The following CCT4 variants were observed in gnomAD, a reference collection of about 807,000 sequenced individuals.
CCT4 encodes T-complex protein 1 subunit delta.
Under a neutral mutation model 62.5 loss-of-function variants are expected in CCT4, and 17 were observed. The ratio of observed to expected loss-of-function variants is 0.27; its 90% CI spans 0.19 to 0.41. CCT4 has a LOEUF of 0.41. Among genes scored for constraint, CCT4 ranks in the 10% least tolerant of loss-of-function variants. The probability of loss-of-function intolerance (pLI) is 1.00; values close to 1 mark genes in which losing one functional copy is unlikely to be tolerated. For missense variants in CCT4, 592 were observed against 659.2 expected, an observed-to-expected ratio of 0.90 and a Z score of 1.12; for synonymous variants, 250 against 229.9, an observed-to-expected ratio of 1.09 and a Z score of -0.79.
rs1668820519 is a variant in CCT4 at position 61,868,462 on chromosome 2, A to G, written c.*230T>C. On this transcript the variant is annotated 3_prime_UTR_variant, in exon 14 of 14. Transcript: ENST00000394440. Reference sequence around the variant, plus strand: ...TTTTATTAGTTTTTATTAGTTTTTCAAAAGTATCAGAAATAACAGAATGTT... The same window carrying G: ...TTTTATTAGTTTTTATTAGTTTTTCGAAAGTATCAGAAATAACAGAATGTT... 2.1e-6 allele frequency: 1 copy of G among 480,544 alleles called. No homozygotes were observed. The highest frequency in any genetic ancestry group is 3.5e-5 in the Admixed American group (1 of 28,896). 29.8% of individuals were successfully genotyped at this position (480,544 alleles called of 1,614,324 possible).
rs575579331 is a variant in CCT4, at chr2:61,887,501, ATAC to A, written c.127+877_127+879del. ...TTCTAATCTCACCTCTTCTGTAAAC[ATAC>A]TACTATTCTCCAACCCAAAAGAACT... On this transcript the variant is annotated intron_variant, in intron 1 of 13. Transcript: ENST00000394440. 6.8e-4 allele frequency among the ~76,000 whole-genome samples: 103 copies of A among 152,304 alleles called. 2 individuals are homozygous for A. The East Asian group carries it at 0.02, about 29-fold the overall frequency.
In CCT4 at chr2:61,888,522, T is replaced by C. The variant is rs1327155857; in HGVS notation, c.-15A>G. 14 of 1,608,580 alleles carry C rather than the reference T, an allele frequency of 8.7e-6. No individual in the cohort carries two copies. Among genetic ancestry groups the C allele is most frequent in the Non-Finnish European group, 1.2e-5 (14 of 1,177,376 alleles). ...TTCTCGGGCATGGCAAACTCCGCTG[T>C]GTCTGGGTTGGCTCGGGAAGGACGG... is the stretch of plus-strand genomic sequence containing the variant. On this transcript the variant is annotated 5_prime_UTR_variant, in exon 1 of 14. Transcript: ENST00000394440.
rs1668919148 is a variant in CCT4 at position 61,873,087 on chromosome 2, T to C, written c.1040A>G (p.His347Arg). Residue 347 changes from histidine (H) to arginine (R), a missense_variant, in exon 10 of 14, where the codon CAT (histidine) becomes CGT (arginine). Physicochemically the swap from His to Arg is conservative, Grantham distance 29. This residue lies in a region of CCT4 where 522 missense variants were observed against 571.2 expected (regional missense o/e 0.91). Transcript: ENST00000394440. The part of the protein sequence containing the change: ...CKTIGTKPVA[H>R]IDQFTADMLG... ...CATGTCAGCAGTAAATTGGTCAATA[T>C]GAGCAACTGGCTTGGTTCCAATTGT... 1 of 1,611,714 alleles carries C rather than the reference T, an allele frequency of 6.2e-7. No individual in the cohort carries two copies. Among genetic ancestry groups the C allele is most frequent in the Non-Finnish European group, 8.5e-7 (1 of 1,177,746 alleles).
Position 61,872,402 on chromosome 2 carries a change from G to A in CCT4, c.1256+56C>T, listed in dbSNP as rs924253492. ...TTGCTATTTATATCTTTAAAAAATA[G>A]AATATAATAGTTTTAATGTTCAAAA... is the stretch of plus-strand genomic sequence containing the variant. On this transcript the variant is annotated intron_variant, in intron 11 of 13. Transcript: ENST00000394440. 3.4e-6 allele frequency: 5 copies of A among 1,453,066 alleles called. No homozygotes were observed. In the East Asian group the frequency reaches 7.5e-5, roughly 22 times the overall value. 90.0% of individuals were successfully genotyped at this position (1,453,066 alleles called of 1,614,324 possible). A position where few individuals can be genotyped will look rare whatever the true frequency, so the allele number is the denominator to read the frequency against.
intron 3 of CCT4, among the ~76,000 whole-genome samples, chr2:61,881,737 AATCTTCATAAAC>A (rs1289141302): frequency 2.0e-5 from 3 of 152,088 alleles, no homozygotes; most frequent in African/African-American, 7.2e-5. Context: ...TCCTCATAAA[AATCTTCATAAAC>A]AATTTTTAAT....
chr2:61,886,897 C>G (rs556279093), intron 1 of CCT4, among the ~76,000 whole-genome samples: 62 of 152,144 alleles, frequency 4.1e-4, no homozygotes, highest in African/African-American at 1.5e-3. Context: ...GTAGCTGGGA[C>G]TACAGGCCTA....
chr2:61,870,378 T>C (rs1352215883), intron 12 of CCT4, among the ~76,000 whole-genome samples: 1 of 152,224 alleles, frequency 6.6e-6, no homozygotes, highest in African/African-American at 2.4e-5. Context: ...AGTCTCATAT[T>C]TGCCACCTTA....
chr2:61,879,095 C>T, intron 4 of CCT4, 84 bp from the exon 5 acceptor site: 1 of 953,738 alleles, frequency 1.0e-6, no homozygotes, highest in Non-Finnish European at 1.6e-6. Context: ...TACTCAATGT[C>T]AAAGCAAGCA....
intron 6 of CCT4, 29 bp from the exon 7 acceptor site, chr2:61,877,081 A>G: frequency 6.2e-7 from 1 of 1,601,244 alleles, no homozygotes; most frequent in Non-Finnish European, 8.5e-7. Context: ...AAAGAGGGGT[A>G]GTTAAGAGGG....
chr2:61,876,148 C>G lies in CCT4; in HGVS notation c.864G>C (p.Lys288Asn). The change falls in exon 8 of 14, where the codon AAG (lysine) becomes AAC (asparagine). Residue 288 changes from lysine (K) to asparagine (N), a missense_variant. By Grantham distance (94) the Lys-to-Asn change is moderately conservative. Transcript: ENST00000394440. ...CATTACATCCTGTTTTTTTAATTTGCTTCACTAAATTTAAAATATAGGCTC... is the reference window on the plus strand; with the variant it reads ...CATTACATCCTGTTTTTTTAATTTGGTTCACTAAATTTAAAATATAGGCTC... ...EERAYILNLV[K>N]QIKKTGCNVL... 6.2e-7 allele frequency: 1 copy of G among 1,603,176 alleles called. No individual in the cohort carries two copies. The highest frequency in any genetic ancestry group is 1.1e-5 in the South Asian group (1 of 90,670).
At chr2:61,882,432 T>C (rs988597039) in intron 3 of CCT4, among the ~76,000 whole-genome samples, 3 of 152,214 alleles carry the variant, frequency 2.0e-5, no homozygotes, top group Non-Finnish European at 4.4e-5. Context: ...TGAACTGCTA[T>C]GCACCATACC....
Position 61,873,248 on chromosome 2 carries a change from C to A in CCT4, c.963G>T (p.Lys321Asn), listed in dbSNP as rs770017935. The change falls in exon 9 of 14, where the codon AAG becomes AAT. Residue 321 changes from lysine to asparagine, a missense_variant. By Grantham distance (94) the Lys-to-Asn change is moderately conservative. Around this residue, in one of 3 missense-constraint regions of CCT4, gnomAD observed 522 missense variants for 571.2 expected, o/e 0.91. Coordinates refer to ENST00000394440, the MANE Select transcript of CCT4 (RefSeq NM_006430.4). ...TTTCAATATCCTTAATCACCATGAT[C>A]TTCATTTTATTCAGAAAGTGTAATG... ...DLALHFLNKM[K>N]IMVIKDIERE... is the part of the protein sequence containing the mutation. The A allele has an allele frequency of 1.9e-6, 3 of 1,542,496 alleles. No homozygotes were observed. The highest frequency in any genetic ancestry group is 2.7e-6 in the Non-Finnish European group (3 of 1,115,386).
chr2:61,876,715 T>C (rs138871117), intron 7 of CCT4, among the ~76,000 whole-genome samples: 76 of 152,342 alleles, frequency 5.0e-4, no homozygotes, highest in African/African-American at 1.6e-3. Context: ...TCGTTGCAAA[T>C]GGCTAGCTCT....
intron 3 of CCT4, among the ~76,000 whole-genome samples, chr2:61,882,503 G>A (rs551098114): frequency 1.3e-5 from 2 of 152,022 alleles, no homozygotes; most frequent in African/African-American, 4.8e-5. Context: ...ACAAGTATAA[G>A]GTGACTTGTG....
intron 8 of CCT4, among the ~76,000 whole-genome samples, chr2:61,874,227 G>A (rs1668949863): frequency 6.6e-6 from 1 of 152,158 alleles, no homozygotes; most frequent in Non-Finnish European, 1.5e-5. Flanking sequence ...ATATGATTGG[G>A]ATTAGAACCA....
At position 61,888,518 on chromosome 2, in the gene CCT4, G is replaced by C. The variant is rs962873668; in HGVS notation, c.-11C>G. ...CACATTCTCGGGCATGGCAAACTCC[G>C]CTGTGTCTGGGTTGGCTCGGGAAGG... On this transcript the variant is annotated 5_prime_UTR_variant, in exon 1 of 14. Coordinates refer to ENST00000394440, the MANE Select transcript of CCT4 (RefSeq NM_006430.4). The C allele has an allele frequency of 3.7e-6, 6 of 1,609,984 alleles. No homozygotes were observed. Among genetic ancestry groups the C allele is most frequent in the Non-Finnish European group, 5.1e-6 (6 of 1,178,612 alleles).
chr2:61,879,055 C>G, intron 4 of CCT4, 44 bp from the exon 5 acceptor site: 2 of 1,463,948 alleles, frequency 1.4e-6, no homozygotes, highest in Non-Finnish European at 1.9e-6. Flanking sequence ...AACAGGTAAA[C>G]TACACATTTG....
chr2:61,876,285 A>G (rs949792946), intron 7 of CCT4, 51 bp from the exon 8 acceptor site: 1 of 1,449,094 alleles, frequency 6.9e-7, no homozygotes, highest in Non-Finnish European at 9.4e-7. Flanking sequence ...TTTTAAGTTT[A>G]AAAGTAGAAT....
intron 1 of CCT4, 33 bp downstream of exon 1, chr2:61,888,348 G>T (rs752331292): frequency 6.2e-7 from 1 of 1,600,772 alleles, no homozygotes; most frequent in South Asian, 1.1e-5. Flanking sequence ...GCACAACCCC[G>T]CGGCGCCGCG....
Sources: gnomAD v4.1 joint callset for allele counts (sites outside exome capture counted in the v4.1 genomes callset) on GRCh38, gnomAD v4.1.1 for gene constraint, gnomAD v4.1.1 regional missense constraint, MANE v1.5 for transcripts, NCBI Gene and HGNC (gene_info 2026-07-23, HGNC 2026-07-21) for gene names.